LRP2: variants seen among roughly 807,000 people sequenced by gnomAD.
LRP2 encodes LDL receptor related protein 2.
A neutral mutation model predicts 531.0 loss-of-function variants in LRP2; 172 were observed. The observed-to-expected ratio is 0.32, with a 90% confidence interval of 0.29 to 0.37. The LOEUF (loss-of-function observed/expected upper bound fraction) is 0.37, where lower values mean the gene tolerates loss of function less well. Among genes scored for constraint, LRP2 ranks in the 10% least tolerant of loss-of-function variants. The pLI is 1.00. For missense variants in LRP2, 5,167 were observed against 5,868.3 expected (o/e 0.88, Z 3.90); for synonymous variants, 1,992 against 2,027.6 (o/e 0.98, Z 0.47).
chr2:169,319,343 G>T (rs1242704944), intron 2 of LRP2, among the ~76,000 whole-genome samples: 1 of 152,046 alleles, frequency 6.6e-6, no homozygotes, highest in Non-Finnish European at 1.5e-5. Context: ...AAGATCTTTG[G>T]CAGGTTCTCT....
intron 1 of LRP2, among the ~76,000 whole-genome samples, chr2:169,329,999 A>G (rs112297484): frequency 0.013 from 1,965 of 152,334 alleles, 42 homozygotes; most frequent in African/African-American, 0.045. Flanking sequence ...TAAACTGCAC[A>G]TGAGAGGGAT....
intron 44 of LRP2, among the ~76,000 whole-genome samples, chr2:169,200,046 C>G (rs1049013366): frequency 1.3e-5 from 2 of 152,124 alleles, no homozygotes; most frequent in East Asian, 3.9e-4. Flanking sequence ...GTCAGGAGAT[C>G]GAGACCATCC....
chr2:169,302,007 A>G (rs927230290), intron 4 of LRP2, among the ~76,000 whole-genome samples: 2 of 152,140 alleles, frequency 1.3e-5, no homozygotes, highest in African/African-American at 4.8e-5. Context: ...GGTACCTAAT[A>G]TATTCATTCC....
intron 19 of LRP2, among the ~76,000 whole-genome samples, chr2:169,247,795 G>A (rs551347698): frequency 2.0e-5 from 3 of 152,204 alleles, no homozygotes; most frequent in African/African-American, 4.8e-5. Flanking sequence ...TTCTGCATAG[G>A]TAATAGTGAA....
At chr2:169,274,720 G>A (rs1683507035) in intron 14 of LRP2, among the ~76,000 whole-genome samples, 1 of 152,128 alleles carries the variant, frequency 6.6e-6, no homozygotes, top group Admixed American at 6.6e-5. Context: ...CCAGTAGAAT[G>A]AGGATAGGTA....
intron 1 of LRP2, among the ~76,000 whole-genome samples, chr2:169,336,549 C>CAT (rs1685410487): frequency 6.6e-6 from 1 of 151,596 alleles, no homozygotes; most frequent in Non-Finnish European, 1.5e-5. Flanking sequence ...CACACACACA[C>CAT]ACACACACAC....
At chr2:169,247,177 T>A (rs1422031309) in intron 20 of LRP2, among the ~76,000 whole-genome samples, 191 bp from the exon 21 acceptor site, 1 of 152,148 alleles carries the variant, frequency 6.6e-6, no homozygotes, top group Non-Finnish European at 1.5e-5. Context: ...CAAAATGTGT[T>A]TTTCCTGACA....
rs748180343 is a variant in LRP2 at position 169,246,800 on chromosome 2, G to C, written c.3095C>G (p.Pro1032Arg). Reference protein sequence around the residue: ...PTEQCGLFSFPCKNGRCVPNY... With the variant: ...PTEQCGLFSFRCKNGRCVPNY... Reference sequence around the variant, plus strand: ...GGGCACACATCTGCCATTTTTACAGGGGAAGGAAAATAAGCCACACTGCTC... The same window carrying C: ...GGGCACACATCTGCCATTTTTACAGCGGAAGGAAAATAAGCCACACTGCTC... The change falls in exon 21 of 79, where the codon CCC becomes CGC. Residue 1032 changes from proline to arginine, a missense_variant. Pro to Arg is a moderately radical substitution (Grantham distance 103, BLOSUM62 -2). Transcript: ENST00000649046. The C allele has an allele frequency of 1.9e-6, 3 of 1,614,192 alleles. No individual in the cohort carries two copies. Among genetic ancestry groups the C allele is most frequent in the South Asian group, 2.2e-5 (2 of 91,078 alleles).
chr2:169,149,907 A>G (rs1031483713), intron 68 of LRP2, among the ~76,000 whole-genome samples: 2 of 152,186 alleles, frequency 1.3e-5, no homozygotes, highest in Non-Finnish European at 1.5e-5. Flanking sequence ...TGATAATAAT[A>G]TCAGATGAAT....
intron 16 of LRP2, among the ~76,000 whole-genome samples, chr2:169,267,578 C>G (rs1258640818): frequency 6.6e-6 from 1 of 152,096 alleles, no homozygotes; most frequent in Admixed American, 6.6e-5. Context: ...ACACAACACA[C>G]CAGAATCTCT....
Position 169,140,635 on chromosome 2 carries a change from G to A in LRP2, c.13109-90C>T, listed in dbSNP as rs540011480. On this transcript the variant is annotated intron_variant, in intron 71 of 78. Transcript: ENST00000649046. Reference sequence around the variant, plus strand: ...AAACCGGCCCAGGTTAGGGGTGGGAGGAGGGGCAGGCCAGCCAATTAGTCT... The same window carrying A: ...AAACCGGCCCAGGTTAGGGGTGGGAAGAGGGGCAGGCCAGCCAATTAGTCT... 16 of 921,370 alleles carry A rather than the reference G, an allele frequency of 1.7e-5. No homozygotes were observed. The East Asian group carries it at 3.9e-4, about 22-fold the overall frequency. The allele number at this position is 921,370 out of a possible 1,614,324, so 57.1% of individuals were successfully genotyped here.
chr2:169,345,663 G>A (rs1446583821), intron 1 of LRP2, among the ~76,000 whole-genome samples: 1 of 150,588 alleles, frequency 6.6e-6, no homozygotes, highest in Admixed American at 6.7e-5. Flanking sequence ...TAAAATTAAA[G>A]CACTTCATAA....
rs754165457 is a variant in LRP2 at position 169,216,315 on chromosome 2, C to T, written c.5764G>A (p.Glu1922Lys). 2 of 1,613,656 alleles carry T rather than the reference C, an allele frequency of 1.2e-6. No homozygotes were observed. Among genetic ancestry groups the T allele is most frequent in the South Asian group, 2.2e-5 (2 of 91,082 alleles). The change falls in exon 35 of 79, where the codon GAG becomes AAG. Residue 1922 changes from glutamate to lysine, a missense_variant. Transcript: ENST00000649046. Reference protein sequence around the residue: ...TLFTGNLEHLECVTLDIEEQK... With the variant: ...TLFTGNLEHLKCVTLDIEEQK... ...TCTTCGATGTCAAGAGTGACACACT[C>T]CAGGTGTTCGAGGTTCCCAGTAAAG... is the stretch of plus-strand genomic sequence containing the variant.
In LRP2 at chr2:169,272,300, G is replaced by GGTAGGAAACCAAAGAGGAA. The variant is rs573525147; in HGVS notation, c.2116+626_2116+627insTTCCTCTTTGGTTTCCTAC. ...AGATGTGTAGGAAACCAAAGAGGAAGAAAGGAAACCTTCAAGGTAAGAATG... is the reference window on the plus strand; with the variant it reads ...AGATGTGTAGGAAACCAAAGAGGAAGGTAGGAAACCAAAGAGGAAAAAGGAAACCTTCAAGGTAAGAATG... On this transcript the variant is annotated intron_variant, in intron 15 of 78. Coordinates refer to ENST00000649046, the MANE Select transcript of LRP2 (RefSeq NM_004525.3). Among the ~76,000 whole-genome samples, 23 of 152,206 alleles carry GGTAGGAAACCAAAGAGGAA rather than the reference G, an allele frequency of 1.5e-4. No individual in the cohort carries two copies. The South Asian group carries it at 4.8e-3, about 32-fold the overall frequency.
rs200488454 is a variant in LRP2, at chr2:169,220,433, G to A, written c.5648+21C>T. 458 of 1,542,158 alleles carry A rather than the reference G, an allele frequency of 3.0e-4. 5 individuals are homozygous for A. The South Asian group carries it at 4.1e-3, about 14-fold the overall frequency. ...AAGAACAATGCTGCATGGAAGACAC[G>A]TGCCATTTATGAATACTCACCCACG... On this transcript the variant is annotated intron_variant, in intron 34 of 78. Transcript: ENST00000649046.
At position 169,175,324 on chromosome 2, in the gene LRP2, G is replaced by C. The variant is rs767748572; in HGVS notation, c.10637C>G (p.Ala3546Gly). 1.2e-6 allele frequency: 2 copies of C among 1,614,030 alleles called. No individual in the cohort carries two copies. Among genetic ancestry groups the C allele is most frequent in the Non-Finnish European group, 1.7e-6 (2 of 1,180,018 alleles). Residue 3546 changes from alanine (A) to glycine (G), a missense_variant, in exon 55 of 79, where the codon GCC (alanine) becomes GGC (glycine). Coordinates refer to ENST00000649046, the MANE Select transcript of LRP2 (RefSeq NM_004525.3). ...KDCSDGSDELALCPQRFCRLG... is the reference protein window; with the variant it reads ...KDCSDGSDELGLCPQRFCRLG... ...TCGGCAGAAGCGCTGCGGGCAAAGG[G>C]CCAGTTCATCAGAGCCATCTGAGCA...
intron 1 of LRP2, among the ~76,000 whole-genome samples, chr2:169,345,856 C>T (rs909856372): frequency 2.6e-5 from 4 of 151,834 alleles, no homozygotes; most frequent in African/African-American, 9.7e-5. Context: ...CTGCTTCTCT[C>T]CAAAAACAAA....
intron 3 of LRP2, among the ~76,000 whole-genome samples, chr2:169,308,707 G>A (rs1428353720): frequency 6.6e-6 from 1 of 152,194 alleles, no homozygotes; most frequent in Non-Finnish European, 1.5e-5. Context: ...CTTTATAGCA[G>A]CATGATTTAT....
At chr2:169,308,359 G>T (rs1684486349) in intron 3 of LRP2, among the ~76,000 whole-genome samples, 1 of 152,196 alleles carries the variant, frequency 6.6e-6, no homozygotes, top group Non-Finnish European at 1.5e-5. Flanking sequence ...ATCTCCTAAT[G>T]TTATCCTTCC....
Sources: gnomAD v4.1 joint callset for allele counts (sites outside exome capture counted in the v4.1 genomes callset) on GRCh38, gnomAD v4.1.1 for gene constraint, MANE v1.5 for transcripts, NCBI Gene and HGNC (gene_info 2026-07-23, HGNC 2026-07-21) for gene names.